TTLL7: variants seen among roughly 807,000 people sequenced by gnomAD.
TTLL7 encodes tubulin polyglutamylase TTLL7.
Under a neutral mutation model 120.2 loss-of-function variants are expected in TTLL7, and 53 were observed. That is an observed-to-expected ratio of 0.44 (90% CI 0.35 to 0.55). The LOEUF (loss-of-function observed/expected upper bound fraction) is 0.55. Among genes scored for constraint, TTLL7 ranks in the 20% least tolerant of loss-of-function variants. TTLL7 has a pLI of 0.00. For missense variants in TTLL7, 803 were observed against 1,054.7 expected (o/e 0.76, Z 3.31); for synonymous variants, 353 against 351.7 (o/e 1.00, Z -0.04).
At chr1:83,977,237 T>G (rs1651571811) in intron 1 of TTLL7, among the ~76,000 whole-genome samples, 1 of 151,976 alleles carries the variant, frequency 6.6e-6, no homozygotes, top group South Asian at 2.1e-4. Flanking sequence ...AGAACTAAAA[T>G]TTACTTAGCA....
intron 17 of TTLL7, among the ~76,000 whole-genome samples, chr1:83,904,412 A>T (rs1977303): frequency 6.6e-6 from 1 of 152,130 alleles, no homozygotes; most frequent in African/African-American, 2.4e-5. Context: ...AGGCAGGCAG[A>T]TCACTTGAGG....
chr1:83,977,695 A>G (rs1185513583), intron 1 of TTLL7, among the ~76,000 whole-genome samples: 1 of 152,182 alleles, frequency 6.6e-6, no homozygotes, highest in African/African-American at 2.4e-5. Flanking sequence ...GAACACAAAC[A>G]GAAGGGCTGG....
intron 19 of TTLL7, among the ~76,000 whole-genome samples, chr1:83,884,731 G>A (rs538969685): frequency 0.011 from 1,293 of 118,784 alleles, 25 homozygotes; most frequent in African/African-American, 0.041. Flanking sequence ...TGTGGGGTGG[G>A]GGGAGGGGGG....
chr1:83,925,536 G>A (rs1382644423), intron 10 of TTLL7, among the ~76,000 whole-genome samples: 5 of 152,190 alleles, frequency 3.3e-5, no homozygotes, highest in Admixed American at 3.3e-4. Flanking sequence ...CCAGGAGAAA[G>A]ATAAGAAGTT....
chr1:83,892,837 A>AACGCATATGTGAACATATATATGT (rs1390229612), intron 18 of TTLL7, among the ~76,000 whole-genome samples: 1 of 151,852 alleles, frequency 6.6e-6, no homozygotes, highest in Non-Finnish European at 1.5e-5. Flanking sequence ...CATATATATG[A>AACGCATATGTGAACATATATATGT]ACACATATAT....
At chr1:83,903,243 A>G (rs1158247700) in intron 18 of TTLL7, among the ~76,000 whole-genome samples, 2 of 152,026 alleles carry the variant, frequency 1.3e-5, no homozygotes, top group Non-Finnish European at 2.9e-5. Context: ...CTATCCTATA[A>G]ATATATAAAT....
At chr1:83,900,977 C>T (rs777792910) in intron 18 of TTLL7, among the ~76,000 whole-genome samples, 1 of 151,950 alleles carries the variant, frequency 6.6e-6, no homozygotes, top group African/African-American at 2.4e-5. Flanking sequence ...TGTTAAATGG[C>T]TATCTGAAAT....
chr1:83,897,040 T>C (rs1224576883), intron 18 of TTLL7, among the ~76,000 whole-genome samples: 1 of 152,086 alleles, frequency 6.6e-6, no homozygotes, highest in Non-Finnish European at 1.5e-5. Flanking sequence ...CAGGATTTAA[T>C]TCCCATACCC....
intron 9 of TTLL7, among the ~76,000 whole-genome samples, chr1:83,932,745 TA>T (rs1192707908): frequency 2.6e-5 from 4 of 152,118 alleles, no homozygotes; most frequent in African/African-American, 9.7e-5. Context: ...ATACTTGATT[TA>T]AAATGAAAGG....
intron 19 of TTLL7, among the ~76,000 whole-genome samples, chr1:83,884,462 T>G (rs1342825901): frequency 6.6e-6 from 1 of 151,886 alleles, no homozygotes. Flanking sequence ...CTACTGTTTA[T>G]TTTTTCAGAG....
intron 1 of TTLL7, among the ~76,000 whole-genome samples, chr1:83,975,298 C>T (rs1403179788): frequency 6.6e-6 from 1 of 152,124 alleles, no homozygotes; most frequent in Non-Finnish European, 1.5e-5. Flanking sequence ...AGCCTTGACA[C>T]AGGGATTTGT....
chr1:83,882,725 T>C, intron 20 of TTLL7: 1 of 393,274 alleles, frequency 2.5e-6, no homozygotes, highest in Non-Finnish European at 4.5e-6. Context: ...ATAAGTCAAA[T>C]AACTTCATTT....
At chr1:83,990,215 C>CCGGACTG (rs892140121) in intron 1 of TTLL7, among the ~76,000 whole-genome samples, 6 of 139,784 alleles carry the variant, frequency 4.3e-5, no homozygotes, top group Admixed American at 1.6e-4. Context: ...GTCGCCCAGG[C>CCGGACTG]CGGACTGCGG....
At chr1:83,891,062 G>T (rs1385888469) in intron 18 of TTLL7, among the ~76,000 whole-genome samples, 1 of 151,588 alleles carries the variant, frequency 6.6e-6, no homozygotes, top group African/African-American at 2.4e-5. Context: ...TTGGACCATG[G>T]GCTAGAAAAA....
chr1:83,885,015 A>C, intron 19 of TTLL7: 1 of 228,108 alleles, frequency 4.4e-6, no homozygotes, highest in Non-Finnish European at 7.3e-6. Flanking sequence ...GAAAAACTAG[A>C]TATGACACAT....
intron 20 of TTLL7, among the ~76,000 whole-genome samples, chr1:83,879,504 T>A (rs988982798): frequency 6.6e-6 from 1 of 152,000 alleles, no homozygotes; most frequent in Non-Finnish European, 1.5e-5. Context: ...GAAGACTTTA[T>A]GGGCTAGTGA....
intron 9 of TTLL7, among the ~76,000 whole-genome samples, chr1:83,931,155 C>T (rs1406467312): frequency 6.6e-6 from 1 of 151,894 alleles, no homozygotes; most frequent in Non-Finnish European, 1.5e-5. Flanking sequence ...TTTCCTACCC[C>T]AATTCTAAAA....
At position 83,873,446 on chromosome 1, in the gene TTLL7, A is replaced by G. The variant is rs144237069; in HGVS notation, c.2544-3364T>C. The stretch of plus-strand genomic sequence containing the variant: ...TAAAGCAGGAAGACTATCTCATGGA[A>G]GTGGGTTTACGGATTAAAGAATTTG... On this transcript the variant is annotated intron_variant, in intron 20 of 20. Transcript: ENST00000260505. Among the ~76,000 whole-genome samples, 25 of 152,308 alleles carry G rather than the reference A, an allele frequency of 1.6e-4. No homozygotes were observed. In the East Asian group the frequency reaches 4.4e-3, roughly 27 times the overall value.
At chr1:83,886,705 G>T (rs1166693770) in intron 19 of TTLL7, among the ~76,000 whole-genome samples, 1 of 151,890 alleles carries the variant, frequency 6.6e-6, no homozygotes, top group Non-Finnish European at 1.5e-5. Context: ...ATTGGATTTT[G>T]AGTGGAGATG....
Sources: gnomAD v4.1 joint callset for allele counts (sites outside exome capture counted in the v4.1 genomes callset) on GRCh38, gnomAD v4.1.1 for gene constraint, MANE v1.5 for transcripts, NCBI Gene and HGNC (gene_info 2026-07-23, HGNC 2026-07-21) for gene names.